Variants in SEC16A observed in about 807,000 individuals in gnomAD.
SEC16A encodes SEC16 homolog A, endoplasmic reticulum export factor.
A neutral mutation model predicts 221.9 loss-of-function variants in SEC16A; 110 were observed. The observed-to-expected ratio is 0.50, with a 90% confidence interval of 0.42 to 0.58. The LOEUF (loss-of-function observed/expected upper bound fraction) is 0.58. Among genes scored for constraint, SEC16A ranks in the 20% least tolerant of loss-of-function variants. The probability of loss-of-function intolerance (pLI) is 0.00; values close to 1 mark genes in which losing one functional copy is unlikely to be tolerated. For synonymous variants in SEC16A, 1,393 were observed against 1,257.7 expected (o/e 1.11, Z -2.28); for missense variants, 3,165 against 3,097.8 (o/e 1.02, Z -0.52).
Position 136,462,935 on chromosome 9 carries a change from C to G in SEC16A, c.4845G>C (p.Glu1615Asp). The G allele has an allele frequency of 6.2e-7, 1 of 1,604,650 alleles. No homozygotes were observed. The highest frequency in any genetic ancestry group is 8.5e-7 in the Non-Finnish European group (1 of 1,179,840). The change falls in exon 12 of 32, where the codon GAG (glutamate) becomes GAC (aspartate). Residue 1615 changes from glutamate to aspartate, a missense_variant. Physicochemically the swap from Glu to Asp is conservative, Grantham distance 45 (BLOSUM62 2). Coordinates refer to ENST00000684901, the MANE Select transcript of SEC16A (RefSeq NM_014866.2). ...GCTCCCTGAACCTCTCGGTCTCTCTCTCGAGCGAGCTGGCGGCAGCCGCCG... is the reference window on the plus strand; with the variant it reads ...GCTCCCTGAACCTCTCGGTCTCTCTGTCGAGCGAGCTGGCGGCAGCCGCCG... ...GGPAAAASSL[E>D]RETERFRELL... is the part of the protein sequence containing the mutation.
intron 1 of SEC16A, among the ~76,000 whole-genome samples, chr9:136,482,368 A>G (rs895390841): frequency 6.6e-6 from 1 of 152,226 alleles, no homozygotes; most frequent in Non-Finnish European, 1.5e-5. Flanking sequence ...AGTGTTCTTA[A>G]GCGGCAAAAA....
At chr9:136,484,471 C>A, upstream of SEC16A, 1 of 1,212,300 alleles carries the variant, frequency 8.2e-7, no homozygotes, top group African/African-American at 1.6e-5. Flanking sequence ...CTCACCTGCA[C>A]ACCTGCCTGG....
chr9:136,463,889 G>C, intron 9 of SEC16A, 149 bp from the exon 10 acceptor site: 1 of 789,870 alleles, frequency 1.3e-6, no homozygotes, highest in East Asian at 2.6e-5. Flanking sequence ...GCTCTGTCGA[G>C]GCTGTTACAT....
Position 136,467,596 on chromosome 9 carries a change from G to A in SEC16A, c.3803-513C>T, listed in dbSNP as rs541584874. Among the ~76,000 whole-genome samples, 23 of 152,192 alleles carry A rather than the reference G, an allele frequency of 1.5e-4. 1 individual carries two copies. The South Asian group carries it at 4.4e-3, about 29-fold the overall frequency. ...TCTTCTCCTTAATGTGACTCATAAGGTTTTCAAAAATAATCTCAATATTAA... is the reference window on the plus strand; with the variant it reads ...TCTTCTCCTTAATGTGACTCATAAGATTTTCAAAAATAATCTCAATATTAA... On this transcript the variant is annotated intron_variant, in intron 5 of 31. Coordinates refer to ENST00000684901, the MANE Select transcript of SEC16A (RefSeq NM_014866.2).
chr9:136,445,105 G>C lies in SEC16A; in HGVS notation c.6874C>G (p.Arg2292Gly), dbSNP rs529911977. The C allele has an allele frequency of 2.5e-5, 40 of 1,605,104 alleles. No homozygotes were observed. Among genetic ancestry groups the C allele is most frequent in the Non-Finnish European group, 2.0e-5 (24 of 1,175,914 alleles). The part of the protein sequence containing the change: ...PEGSQGGELS[R>G]CSSMSSLSRE... ...GATAATGAACTCATTGAACTACAGC[G>C]CGAAAGCTACAAAACAGCAAGAACA... is the stretch of plus-strand genomic sequence containing the variant. The change falls in exon 30 of 32, where the codon CGC (arginine) becomes GGC (glycine). Residue 2292 changes from arginine (R) to glycine (G), a missense_variant. Transcript: ENST00000684901.
chr9:136,444,128 C>T (rs1388451207), intron 30 of SEC16A: 3 of 422,828 alleles, frequency 7.1e-6, no homozygotes, highest in Admixed American at 4.3e-5. Flanking sequence ...AGCACCGGAA[C>T]ATGCAATGGG....
intron 1 of SEC16A, among the ~76,000 whole-genome samples, chr9:136,482,593 G>A (rs1842531218): frequency 6.6e-6 from 1 of 152,270 alleles, no homozygotes; most frequent in Admixed American, 6.5e-5. Flanking sequence ...TCTAGCCGGT[G>A]AGGACAAGAC....
chr9:136,440,745 G>C lies in SEC16A; in HGVS notation c.*1010C>G, dbSNP rs902581722. Reference sequence around the variant, plus strand: ...GTTCCAGAGCTGCTGTCAAGAAACTGTGTTAAGATACTCTCCCCAAGTGCT... The same window carrying C: ...GTTCCAGAGCTGCTGTCAAGAAACTCTGTTAAGATACTCTCCCCAAGTGCT... On this transcript the variant is annotated 3_prime_UTR_variant, in exon 32 of 32. Transcript: ENST00000684901. 1 of 152,504 alleles carries C rather than the reference G, an allele frequency of 6.6e-6. No homozygotes were observed. The highest frequency in any genetic ancestry group is 1.5e-5 in the Non-Finnish European group (1 of 68,040). The allele number at this position is 152,504 out of a possible 1,614,324, so 9.4% of individuals were successfully genotyped here. A position where few individuals can be genotyped will look rare whatever the true frequency, so the allele number is the denominator to read the frequency against.
In SEC16A at chr9:136,474,168, C is replaced by T. The variant is rs370629613; in HGVS notation, c.3448G>A (p.Gly1150Ser). 9.0e-5 allele frequency: 145 copies of T among 1,612,940 alleles called. No individual in the cohort carries two copies. The highest frequency in any genetic ancestry group is 1.2e-4 in the African/African-American group (9 of 74,886). Reference protein sequence around the residue: ...WPQPVPALAPGPPPQDLAAYY... With the variant: ...WPQPVPALAPSPPPQDLAAYY... The stretch of plus-strand genomic sequence containing the variant: ...GCGGCCAGGTCCTGAGGCGGTGGGC[C>T]GGGGGCAAGTGCAGGCACTGGCTGT... Residue 1150 changes from glycine (G) to serine (S), a missense_variant, in exon 3 of 32, where the codon GGC (glycine) becomes AGC (serine). Gly to Ser is a moderately conservative substitution (Grantham distance 56). Coordinates refer to ENST00000684901, the MANE Select transcript of SEC16A (RefSeq NM_014866.2).
At chr9:136,443,200 G>A (rs546511924) in intron 31 of SEC16A, among the ~76,000 whole-genome samples, 4 of 150,848 alleles carry the variant, frequency 2.7e-5, no homozygotes, top group South Asian at 2.1e-4. Flanking sequence ...AAGGCAAAGC[G>A]AATACAGGAG....
At chr9:136,473,978 C>T in intron 3 of SEC16A, 71 bp downstream of exon 3, 1 of 1,479,602 alleles carries the variant, frequency 6.8e-7, no homozygotes, top group Non-Finnish European at 9.2e-7. Flanking sequence ...CTAAGGAATA[C>T]ACTGTGAGTG....
chr9:136,446,621 G>A (rs4355907), intron 28 of SEC16A, among the ~76,000 whole-genome samples: 1,633 of 152,158 alleles, frequency 0.011, 28 homozygotes, highest in African/African-American at 0.037. Flanking sequence ...TCACCGTGCT[G>A]AGCAACCATC....
chr9:136,483,406 T>G, upstream of SEC16A: 1 of 685,370 alleles, frequency 1.5e-6, no homozygotes, highest in Non-Finnish European at 1.7e-6. Flanking sequence ...GTCGTCCGTC[T>G]TTCTCCGCCT....
Position 136,447,143 on chromosome 9 carries a change from G to C in SEC16A, c.6697+84C>G. ...TGGCCAGGTCATTCTTTTAACGGGA[G>C]ATTTAGGAGAGACTCATAGAAAGAG... On this transcript the variant is annotated intron_variant, in intron 27 of 31. Coordinates refer to ENST00000684901, the MANE Select transcript of SEC16A (RefSeq NM_014866.2). The surrounding 1 kb of genome is among the most constrained non-coding windows in gnomAD (Gnocchi z 5.5). 3.3e-6 allele frequency: 5 copies of C among 1,529,598 alleles called. No individual in the cohort carries two copies. Among genetic ancestry groups the C allele is most frequent in the South Asian group, 2.4e-5 (2 of 81,970 alleles). 94.8% of individuals were successfully genotyped at this position (1,529,598 alleles called of 1,614,324 possible).
intron 28 of SEC16A, 127 bp from the exon 29 acceptor site, chr9:136,445,846 C>A: frequency 1.2e-6 from 1 of 812,506 alleles, no homozygotes; most frequent in Non-Finnish European, 2.0e-6. Flanking sequence ...AAGTGCTCCT[C>A]AGAGAGAAGT....
intron 23 of SEC16A, among the ~76,000 whole-genome samples, chr9:136,450,407 C>T (rs942713142): frequency 7.1e-4 from 108 of 151,862 alleles, no homozygotes; most frequent in African/African-American, 2.2e-3. Flanking sequence ...GTCCCAGCTA[C>T]GAGGCAGGAG....
Position 136,463,186 on chromosome 9 carries a change from C to A in SEC16A, c.4648-54G>T. On this transcript the variant is annotated intron_variant, in intron 11 of 31. Coordinates refer to ENST00000684901, the MANE Select transcript of SEC16A (RefSeq NM_014866.2). Reference sequence around the variant, plus strand: ...GAACAACGGCTCTCAGGTGAGGACGCGTTGGACCACCACAGGCACAAAGCC... The same window carrying A: ...GAACAACGGCTCTCAGGTGAGGACGAGTTGGACCACCACAGGCACAAAGCC... The A allele has an allele frequency of 1.9e-6, 3 of 1,589,324 alleles. No homozygotes were observed. In the South Asian group the frequency reaches 3.4e-5, roughly 18 times the overall value.
At chr9:136,462,038 G>A (rs1588946275) in intron 12 of SEC16A, among the ~76,000 whole-genome samples, 1 of 152,080 alleles carries the variant, frequency 6.6e-6, no homozygotes, top group African/African-American at 2.4e-5. Context: ...AACCCAGGAG[G>A]TCGAGGCCAC....
At position 136,463,122 on chromosome 9, in the gene SEC16A, C is replaced by T; in HGVS notation, c.4658G>A (p.Gly1553Glu). Residue 1553 changes from glycine (G) to glutamate (E), a missense_variant, in exon 12 of 32, where the codon GGG becomes GAG. This residue lies in a region of SEC16A where 1,088 missense variants were observed against 1,089.6 expected (regional missense o/e 1.00). Transcript: ENST00000684901. ...LLCRQNGTVV[G>E]TDIAELLLRD... is the part of the protein sequence containing the mutation. ...TAACAGAAGCTCCGCAATGTCGGTC[C>T]CTACCACGGTCTGTTTGGGTCAACA... 1 of 1,610,018 alleles carries T rather than the reference C, an allele frequency of 6.2e-7. No homozygotes were observed.
Sources: gnomAD v4.1 joint callset for allele counts (sites outside exome capture counted in the v4.1 genomes callset) on GRCh38, gnomAD v4.1.1 for gene constraint, gnomAD v4.1.1 regional missense constraint, Gnocchi (gnomAD v3.1) non-coding constraint, MANE v1.5 for transcripts, NCBI Gene and HGNC (gene_info 2026-07-23, HGNC 2026-07-21) for gene names.